QTGAL: variants seen among roughly 807,000 people sequenced by gnomAD.
The protein encoded by QTGAL is queuosine-tRNA galactosyltransferase.
chr17:82,994,180 A>G, the QTGAL span, among the ~76,000 whole-genome samples: 1 of 152,270 alleles, frequency 6.6e-6, no homozygotes, highest in East Asian at 1.9e-4. Context: ...AATTCAACAT[A>G]AAGAAAATAC....
the QTGAL span, chr17:82,965,681 G>C: frequency 6.2e-7 from 1 of 1,611,958 alleles, no homozygotes; most frequent in Non-Finnish European, 8.5e-7. Context: ...GGCCCACGTG[G>C]GAGAACCACG....
At chr17:83,005,079 G>A in the QTGAL span, 4 of 1,544,818 alleles carry the variant, frequency 2.6e-6, no homozygotes, top group Non-Finnish European at 3.5e-6. This position sits in a 1 kb window ranked among gnomAD's most constrained non-coding sequence, Gnocchi z 5.6. Context: ...GAGGCGACCT[G>A]TGCACCTGCC....
chr17:83,037,273 C>T, the QTGAL span, among the ~76,000 whole-genome samples: 5 of 152,204 alleles, frequency 3.3e-5, no homozygotes, highest in South Asian at 2.1e-4. The surrounding 1 kb of genome is among the most constrained non-coding windows in gnomAD (Gnocchi z 5.2). Flanking sequence ...TGCCCTGTTC[C>T]GGGGGGGCAT....
At chr17:83,004,643 G>A in the QTGAL span, among the ~76,000 whole-genome samples, 2 of 142,866 alleles carry the variant, frequency 1.4e-5, no homozygotes, top group Non-Finnish European at 3.0e-5. Context: ...CGCACTCCGC[G>A]TGTGGGATTC....
chr17:83,017,100 A>G, the QTGAL span, among the ~76,000 whole-genome samples: 103 of 152,284 alleles, frequency 6.8e-4, 1 homozygote, highest in Middle Eastern at 0.01. Flanking sequence ...CAGACACAGA[A>G]AGACAAACGC....
chr17:82,956,938 G>A, the QTGAL span: 40 of 977,646 alleles, frequency 4.1e-5, no homozygotes, highest in African/African-American at 1.3e-4. The surrounding 1 kb of genome is among the most constrained non-coding windows in gnomAD (Gnocchi z 5.7). Flanking sequence ...GCAGGAACCC[G>A]GCTCCCGCCA....
chr17:83,034,775 T>C, the QTGAL span, among the ~76,000 whole-genome samples: 1 of 152,316 alleles, frequency 6.6e-6, no homozygotes, highest in Admixed American at 6.5e-5. Context: ...GCCTCTCTCA[T>C]CGGCCGCCAC....
At chr17:82,951,520 C>G in the QTGAL span, among the ~76,000 whole-genome samples, 2 of 152,294 alleles carry the variant, frequency 1.3e-5, no homozygotes, top group Middle Eastern at 3.4e-3. Context: ...CCTATCCGCA[C>G]TATCATTTGT....
the QTGAL span, among the ~76,000 whole-genome samples, chr17:82,970,605 C>A: frequency 8.6e-3 from 1,047 of 121,216 alleles, 105 homozygotes; most frequent in African/African-American, 0.041. Context: ...CCCGGCGTGG[C>A]CGCGACCTCC....
chr17:82,954,737 C>T, the QTGAL span, among the ~76,000 whole-genome samples: 2 of 152,164 alleles, frequency 1.3e-5, no homozygotes, highest in Admixed American at 6.5e-5. Flanking sequence ...AACTATTCTC[C>T]AAGTCTACAG....
chr17:83,001,769 A>G, the QTGAL span, among the ~76,000 whole-genome samples: 3 of 152,140 alleles, frequency 2.0e-5, no homozygotes, highest in East Asian at 5.8e-4. Flanking sequence ...GACAAATGCA[A>G]TAAAGTTTTT....
the QTGAL span, chr17:82,978,779 AGAGACAAGGAG>A: frequency 6.6e-6 from 1 of 152,200 alleles, no homozygotes; most frequent in Admixed American, 6.5e-5. The surrounding 1 kb of genome is among the most constrained non-coding windows in gnomAD (Gnocchi z 4.8). Flanking sequence ...AGTTGAGTCT[AGAGACAAGGAG>A]GAAGACGCCA....
chr17:82,956,661 C>G, the QTGAL span: 7 of 1,522,410 alleles, frequency 4.6e-6, no homozygotes, highest in East Asian at 1.7e-4. The surrounding 1 kb of genome is among the most constrained non-coding windows in gnomAD (Gnocchi z 5.7). Flanking sequence ...CCGGGATCCC[C>G]AAGCCCTTCC....
At chr17:83,048,653 G>A in the QTGAL span, 3 of 1,610,170 alleles carry the variant, frequency 1.9e-6, no homozygotes, top group Non-Finnish European at 2.6e-6. Context: ...TCACCCGACA[G>A]GAAGTTCCTA....
the QTGAL span, among the ~76,000 whole-genome samples, chr17:82,997,983 C>A: frequency 6.8e-6 from 1 of 147,466 alleles, no homozygotes; most frequent in East Asian, 2.0e-4. Context: ...CTATCTATAT[C>A]TATATATAGA....
the QTGAL span, among the ~76,000 whole-genome samples, chr17:83,013,648 G>A: frequency 5.7e-3 from 871 of 151,710 alleles, 1 homozygote; most frequent in Non-Finnish European, 7.1e-3. Context: ...GACCAGAGCC[G>A]GCCGTGACTG....
At chr17:82,956,820 G>T in the QTGAL span, 2 of 1,543,322 alleles carry the variant, frequency 1.3e-6, no homozygotes, top group Admixed American at 3.9e-5. The surrounding 1 kb of genome is among the most constrained non-coding windows in gnomAD (Gnocchi z 5.7). Context: ...GCTTGTCCCC[G>T]GAGAGACGCC....
At chr17:82,943,963 G>A in the QTGAL span, 1 of 152,196 alleles carries the variant, frequency 6.6e-6, no homozygotes, top group Non-Finnish European at 1.5e-5. Flanking sequence ...CGGCACACAC[G>A]AGACTCTGGT....
At chr17:82,968,474 GCA>G in the QTGAL span, among the ~76,000 whole-genome samples, 8 of 151,764 alleles carry the variant, frequency 5.3e-5, no homozygotes, top group African/African-American at 1.9e-4. Flanking sequence ...TGTGCACGGT[GCA>G]CAGATGTCTG....
Sources: allele counts gnomAD v4.1 joint callset (sites outside exome capture counted in the v4.1 genomes callset), GRCh38; gene constraint gnomAD v4.1.1; non-coding constraint Gnocchi (gnomAD v3.1); transcripts MANE v1.5; gene names NCBI Gene and HGNC (gene_info 2026-07-23, HGNC 2026-07-21).